PLEKHA8: variants seen among roughly 807,000 people sequenced by gnomAD.
PLEKHA8 encodes pleckstrin homology domain containing A8, also known as pleckstrin homology domain-containing family A member 8.
Under a neutral mutation model 68.2 loss-of-function variants are expected in PLEKHA8, and 36 were observed. The observed-to-expected ratio is 0.53, with a 90% CI of 0.40 to 0.70. The LOEUF (loss-of-function observed/expected upper bound fraction) is 0.70, where lower values mean the gene tolerates loss of function less well. Among genes scored for constraint, PLEKHA8 ranks in the 30% least tolerant of loss-of-function variants. The pLI, the probability that PLEKHA8 is intolerant of heterozygous loss-of-function variation, is 0.00. For missense variants in PLEKHA8, 505 were observed against 615.4 expected, an observed-to-expected ratio of 0.82 and a Z score of 1.90; for synonymous variants, 211 against 216.1, an observed-to-expected ratio of 0.98 and a Z score of 0.20.
chr7:30,071,771 CAAGA>C (rs1794253505), intron 12 of PLEKHA8: 1 of 152,198 alleles, frequency 6.6e-6, no homozygotes, highest in African/African-American at 2.4e-5. Flanking sequence ...AATACTGACA[CAAGA>C]AAGAAAGGAT....
At chr7:30,115,638 A>G (rs1350375288) in intron 13 of PLEKHA8, among the ~76,000 whole-genome samples, 2 of 151,808 alleles carry the variant, frequency 1.3e-5, no homozygotes, top group Non-Finnish European at 2.9e-5. Flanking sequence ...GTACACATAC[A>G]TGCACACATG....
rs1361063560 is a variant in PLEKHA8 at position 30,082,141 on chromosome 7, A to ATAAG, written c.*3357_*3360dup. Reference sequence around the variant, plus strand: ...CGAAGGGTAGTTCTCATTAGGATGTATAAGTAGTGGCTTGAGGCACCTTCT... The same window carrying ATAAG: ...CGAAGGGTAGTTCTCATTAGGATGTATAAGTAAGTAGTGGCTTGAGGCACCTTCT... On this transcript the variant is annotated 3_prime_UTR_variant, in exon 14 of 14. Transcript: ENST00000449726. 2 of 985,286 alleles carry ATAAG rather than the reference A, an allele frequency of 2.0e-6. No homozygotes were observed. The highest frequency in any genetic ancestry group is 2.3e-4 in the East Asian group (2 of 8,828). The allele number at this position is 985,286 out of a possible 1,614,324, so 61.0% of individuals were successfully genotyped here.
downstream of PLEKHA8, among the ~76,000 whole-genome samples, chr7:30,085,230 G>T (rs760556257): frequency 7.9e-5 from 12 of 152,132 alleles, no homozygotes; most frequent in Non-Finnish European, 1.8e-4. Flanking sequence ...GAGCCACTGT[G>T]CCCAGCCCCA....
downstream of PLEKHA8, among the ~76,000 whole-genome samples, chr7:30,087,858 T>C (rs2128003871): frequency 6.6e-6 from 1 of 152,390 alleles, no homozygotes; most frequent in East Asian, 1.9e-4. Flanking sequence ...AATGATACTT[T>C]ATGAATTACA....
At chr7:30,055,868 C>T (rs1355532957) in intron 9 of PLEKHA8, among the ~76,000 whole-genome samples, 2 of 151,744 alleles carry the variant, frequency 1.3e-5, no homozygotes, top group Admixed American at 6.6e-5. Context: ...GTTGCCCATA[C>T]TGGTTTGGAA....
At position 30,090,376 on chromosome 7, in the gene PLEKHA8, C is replaced by A. The variant is rs561254692; in HGVS notation, c.*201C>A. The A allele has an allele frequency of 2.1e-5, 12 of 579,272 alleles. No homozygotes were observed. In the East Asian group the frequency reaches 3.0e-4, roughly 15 times the overall value. The allele number at this position is 579,272 out of a possible 1,614,324, so 35.9% of individuals were successfully genotyped here. A position where few individuals can be genotyped will look rare whatever the true frequency, so the allele number is the denominator to read the frequency against. On this transcript the variant is annotated 3_prime_UTR_variant, in exon 13 of 13. Transcript: ENST00000258679. Reference sequence around the variant, plus strand: ...TCAAATGTATTATTGCCAACCAAGTCGTCAAATCTAATGTCAAGTTCTCTT... The same window carrying A: ...TCAAATGTATTATTGCCAACCAAGTAGTCAAATCTAATGTCAAGTTCTCTT...
chr7:30,115,850 G>T (rs1796471054), intron 13 of PLEKHA8: 2 of 147,912 alleles, frequency 1.4e-5, no homozygotes, highest in Admixed American at 6.7e-5. Context: ...ATACACGTAT[G>T]CATACATACG....
Position 30,083,011 on chromosome 7 carries a change from C to T in PLEKHA8, c.*4224C>T. 1.0e-6 allele frequency: 1 copy of T among 984,488 alleles called. No homozygotes were observed. Among genetic ancestry groups the T allele is most frequent in the Non-Finnish European group, 1.2e-6 (1 of 829,322 alleles). The allele number at this position is 984,488 out of a possible 1,614,324, so 61.0% of individuals were successfully genotyped here. A position where few individuals can be genotyped will look rare whatever the true frequency, so the allele number is the denominator to read the frequency against. ...CAGGTTTTACAAGTATTCAGCTCTC[C>T]CTCATGTTTCATTTCTTTTTTTAAG... On this transcript the variant is annotated 3_prime_UTR_variant, in exon 14 of 14. Transcript: ENST00000449726.
At position 30,052,837 on chromosome 7, in the gene PLEKHA8, G is replaced by C; in HGVS notation, c.767G>C (p.Ser256Thr). The C allele has an allele frequency of 1.3e-6, 2 of 1,578,208 alleles. No individual in the cohort carries two copies. Among genetic ancestry groups the C allele is most frequent in the Non-Finnish European group, 1.7e-6 (2 of 1,170,482 alleles). Residue 256 changes from serine to threonine, a missense_variant, in exon 7 of 14, where the codon AGT (serine) becomes ACT (threonine). By Grantham distance (58) the Ser-to-Thr change is moderately conservative. Coordinates refer to ENST00000449726, the MANE Select transcript of PLEKHA8 (RefSeq NM_001197026.2). ...GCAGAGATAGACTGCAGCATATCAA[G>C]TGAGGAAAATACAGATGATAATATA... is the stretch of plus-strand genomic sequence containing the variant. ...KSAEIDCSIS[S>T]EENTDDNITV...
intron 13 of PLEKHA8, chr7:30,115,985 TATGC>T (rs1796504390): frequency 9.3e-6 from 1 of 107,980 alleles, no homozygotes; most frequent in Non-Finnish European, 2.1e-5. Flanking sequence ...TGCATGCATG[TATGC>T]ATACGCATAC....
downstream of PLEKHA8, among the ~76,000 whole-genome samples, chr7:30,092,326 A>C (rs948990243): frequency 9.9e-5 from 15 of 152,210 alleles, no homozygotes; most frequent in African/African-American, 3.4e-4. Flanking sequence ...TACCTGGTGG[A>C]ATAAGCCTTT....
At chr7:30,061,675 T>C (rs894899321) in intron 10 of PLEKHA8, among the ~76,000 whole-genome samples, 3 of 152,216 alleles carry the variant, frequency 2.0e-5, no homozygotes, top group Non-Finnish European at 4.4e-5. Flanking sequence ...AAAATAACTT[T>C]AAGAACAAAA....
intron 13 of PLEKHA8, among the ~76,000 whole-genome samples, chr7:30,077,590 A>G (rs1217867595): frequency 6.6e-6 from 1 of 152,144 alleles, no homozygotes; most frequent in Non-Finnish European, 1.5e-5. Flanking sequence ...AAATTCCTCA[A>G]ACTGGTATGT....
In PLEKHA8 at chr7:30,036,563, C is replaced by T. The variant is rs75907907; in HGVS notation, c.40+7761C>T. Among the ~76,000 whole-genome samples, 1,617 of 152,136 alleles carry T rather than the reference C, an allele frequency of 0.011. 127 individuals are homozygous for T. The East Asian group carries it at 0.19, about 18-fold the overall frequency. On this transcript the variant is annotated intron_variant, in intron 1 of 13. Coordinates refer to ENST00000449726, the MANE Select transcript of PLEKHA8 (RefSeq NM_001197026.2). Reference sequence around the variant, plus strand: ...AACTTAAACCATGGTTTCCTCACTCCGTTGTTTTAAGGTGCTGGTAGGACA... The same window carrying T: ...AACTTAAACCATGGTTTCCTCACTCTGTTGTTTTAAGGTGCTGGTAGGACA...
At chr7:30,107,190 A>G (rs1242728046) in intron 13 of PLEKHA8, among the ~76,000 whole-genome samples, 1 of 152,060 alleles carries the variant, frequency 6.6e-6, no homozygotes, top group African/African-American at 2.4e-5. Context: ...GCCTACTCCT[A>G]TGTTCTTCAA....
chr7:30,049,821 C>T (rs1419025642), intron 5 of PLEKHA8, among the ~76,000 whole-genome samples: 1 of 152,204 alleles, frequency 6.6e-6, no homozygotes, highest in African/African-American at 2.4e-5. Flanking sequence ...CTGTCTTCAC[C>T]TAGCTTGAAC....
At chr7:30,099,435 A>T (rs147120084) in intron 13 of PLEKHA8, among the ~76,000 whole-genome samples, 2 of 152,246 alleles carry the variant, frequency 1.3e-5, no homozygotes, top group Non-Finnish European at 2.9e-5. Context: ...AAACAAATGC[A>T]TTAGGAACCC....
intron 13 of PLEKHA8, among the ~76,000 whole-genome samples, chr7:30,128,583 T>A (rs867932936): frequency 2.0e-5 from 3 of 152,236 alleles, no homozygotes; most frequent in Non-Finnish European, 1.5e-5. Context: ...TTATTTCCCA[T>A]TTTTCTTTCT....
chr7:30,112,184 G>C (rs1181777749), intron 13 of PLEKHA8, among the ~76,000 whole-genome samples: 1 of 152,098 alleles, frequency 6.6e-6, no homozygotes, highest in Admixed American at 6.5e-5. Context: ...CTGATTTTCT[G>C]TGCAACAACT....
Sources: allele counts gnomAD v4.1 joint callset (sites outside exome capture counted in the v4.1 genomes callset), GRCh38; gene constraint gnomAD v4.1.1; transcripts MANE v1.5; gene names NCBI Gene and HGNC (gene_info 2026-07-23, HGNC 2026-07-21).